Variants in SLC25A24 observed in about 807,000 individuals in gnomAD.
SLC25A24 encodes the protein solute carrier family 25 member 24.
A neutral mutation model predicts 60.7 loss-of-function variants in SLC25A24; 49 were observed. The ratio of observed to expected loss-of-function variants is 0.81; its 90% CI spans 0.64 to 1.02. The LOEUF (loss-of-function observed/expected upper bound fraction) is 1.02. Among genes scored for constraint, SLC25A24 ranks in the 50% least tolerant of loss-of-function variants. The pLI is 0.00. For missense variants in SLC25A24, 564 were observed against 586.3 expected, an observed-to-expected ratio of 0.96 and a Z score of 0.39; for synonymous variants, 202 against 200.6, an observed-to-expected ratio of 1.01 and a Z score of -0.06.
intron 4 of SLC25A24, 84 bp downstream of exon 4, chr1:108,161,098 T>A (rs1484908521): frequency 8.5e-6 from 6 of 707,984 alleles, no homozygotes; most frequent in Non-Finnish European, 1.5e-5. Context: ...TCCTGGCCCA[T>A]AAGTGTTACA....
In SLC25A24 at chr1:108,192,499, C is replaced by T; in HGVS notation, c.184-6545G>A. 1.3e-6 allele frequency: 2 copies of T among 1,491,466 alleles called. 1 individual carries two copies. Among genetic ancestry groups the T allele is most frequent in the Non-Finnish European group, 1.8e-6 (2 of 1,108,028 alleles). 92.4% of individuals were successfully genotyped at this position (1,491,466 alleles called of 1,614,324 possible). Reference sequence around the variant, plus strand: ...TTACAGCCCCAGTGAGACCCACCTTCGCTTCCTCTAGAGATTGAATGGCCC... The same window carrying T: ...TTACAGCCCCAGTGAGACCCACCTTTGCTTCCTCTAGAGATTGAATGGCCC... On this transcript the variant is annotated intron_variant, in intron 1 of 9. Transcript: ENST00000565488.
chr1:108,167,661 GCGCACA>G (rs1647249683), intron 3 of SLC25A24, among the ~76,000 whole-genome samples: 1 of 152,196 alleles, frequency 6.6e-6, no homozygotes, highest in Admixed American at 6.5e-5. Flanking sequence ...CGCGCACGGT[GCGCACA>G]CCCACTGACC....
chr1:108,158,539 T>G (rs938784744), intron 4 of SLC25A24, among the ~76,000 whole-genome samples: 1 of 152,170 alleles, frequency 6.6e-6, no homozygotes, highest in Non-Finnish European at 1.5e-5. Flanking sequence ...ACTACTAGTA[T>G]AATATTATCT....
At chr1:108,180,642 C>CTCTT (rs1647890439) in intron 3 of SLC25A24, among the ~76,000 whole-genome samples, 2 of 149,260 alleles carry the variant, frequency 1.3e-5, no homozygotes, top group African/African-American at 5.1e-5. Context: ...CTCTCTCTCT[C>CTCTT]TCTCTCTCTC....
chr1:108,173,307 G>A (rs1647546979), intron 3 of SLC25A24, among the ~76,000 whole-genome samples: 1 of 152,172 alleles, frequency 6.6e-6, no homozygotes, highest in African/African-American at 2.4e-5. Context: ...CCATGCTGCT[G>A]TTCTCATGAT....
At chr1:108,178,723 A>G (rs1324981144) in intron 3 of SLC25A24, among the ~76,000 whole-genome samples, 1 of 152,056 alleles carries the variant, frequency 6.6e-6, no homozygotes, top group African/African-American at 2.4e-5. Context: ...CTGAGGCAGG[A>G]GAATGACGGG....
chr1:108,160,622 G>A (rs7412216), intron 4 of SLC25A24, among the ~76,000 whole-genome samples: 4,813 of 152,268 alleles, frequency 0.032, 258 homozygotes, highest in African/African-American at 0.11. Context: ...AGGTTGTAGC[G>A]AGCCGAGATC....
chr1:108,197,104 G>GAA (rs34148137), intron 1 of SLC25A24, among the ~76,000 whole-genome samples: 1 of 151,048 alleles, frequency 6.6e-6, no homozygotes, highest in African/African-American at 2.4e-5. Flanking sequence ...GGTCATACCA[G>GAA]AAAAAAAAAT....
chr1:108,177,145 G>C (rs1401039657), intron 3 of SLC25A24, among the ~76,000 whole-genome samples: 1 of 151,920 alleles, frequency 6.6e-6, no homozygotes, highest in Non-Finnish European at 1.5e-5. Flanking sequence ...AGATTTTTTT[G>C]TTTTGGGGGG....
rs1437298832 is a variant in SLC25A24, at chr1:108,184,704, G to A, written c.310+1124C>T. ...CCCATTCATTTACATATTATCCATGGCTGCTTTTGAGGTACAGCAGCAGAG... is the reference window on the plus strand; with the variant it reads ...CCCATTCATTTACATATTATCCATGACTGCTTTTGAGGTACAGCAGCAGAG... On this transcript the variant is annotated intron_variant, in intron 2 of 9. Coordinates refer to ENST00000565488, the MANE Select transcript of SLC25A24 (RefSeq NM_013386.5). 2.6e-5 allele frequency among the ~76,000 whole-genome samples: 4 copies of A among 152,194 alleles called. No homozygotes were observed. The East Asian group carries it at 7.7e-4, about 29-fold the overall frequency.
intron 9 of SLC25A24, among the ~76,000 whole-genome samples, chr1:108,137,154 G>A (rs550153517): frequency 9.2e-5 from 14 of 152,158 alleles, no homozygotes; most frequent in Non-Finnish European, 1.3e-4. Context: ...GGCTTAGAAA[G>A]ATGGAGAAAT....
intron 1 of SLC25A24, among the ~76,000 whole-genome samples, chr1:108,189,170 T>G (rs1381474199): frequency 6.6e-6 from 1 of 152,086 alleles, no homozygotes; most frequent in African/African-American, 2.4e-5. Context: ...TTTTGAACAG[T>G]TTTTTTTAAC....
At chr1:108,143,743 C>A in intron 7 of SLC25A24, 33 bp from the exon 8 acceptor site, 2 of 1,534,128 alleles carry the variant, frequency 1.3e-6, no homozygotes, top group South Asian at 2.3e-5. Flanking sequence ...TATGATTGTT[C>A]ATATTAACTC....
chr1:108,185,694 A>T (rs1648099295), intron 2 of SLC25A24, 134 bp downstream of exon 2: 2 of 651,276 alleles, frequency 3.1e-6, no homozygotes, highest in Non-Finnish European at 5.0e-6. Flanking sequence ...AAATCACATT[A>T]CTAAAAAAAA....
chr1:108,147,575 A>C (rs1408480518), intron 7 of SLC25A24, among the ~76,000 whole-genome samples: 4 of 152,318 alleles, frequency 2.6e-5, no homozygotes, highest in African/African-American at 9.6e-5. Context: ...AGGCATTCTT[A>C]GGTCAAGGGC....
intron 3 of SLC25A24, among the ~76,000 whole-genome samples, chr1:108,166,376 T>C (rs1300577092): frequency 3.3e-5 from 5 of 152,104 alleles, no homozygotes; most frequent in South Asian, 2.1e-4. Context: ...CTGGATAATA[T>C]CCTGCAGAGT....
chr1:108,194,369 G>C (rs1261441398), intron 1 of SLC25A24, among the ~76,000 whole-genome samples: 1 of 137,480 alleles, frequency 7.3e-6, no homozygotes, highest in Non-Finnish European at 1.6e-5. Context: ...ACAGGGAATG[G>C]TCCTTCCCTG....
chr1:108,168,257 A>G (rs1356082540), intron 3 of SLC25A24, among the ~76,000 whole-genome samples: 2 of 152,208 alleles, frequency 1.3e-5, no homozygotes, highest in East Asian at 1.9e-4. Flanking sequence ...GTATATCTGC[A>G]TGAGAGTCCT....
intron 3 of SLC25A24, among the ~76,000 whole-genome samples, chr1:108,163,936 G>A (rs184511010): frequency 2.6e-5 from 4 of 152,166 alleles, no homozygotes; most frequent in Non-Finnish European, 5.9e-5. Context: ...GTTTGTCATA[G>A]ATAGCTGTTA....
Sources: gnomAD v4.1 joint callset for allele counts (sites outside exome capture counted in the v4.1 genomes callset) on GRCh38, gnomAD v4.1.1 for gene constraint, MANE v1.5 for transcripts, NCBI Gene and HGNC (gene_info 2026-07-23, HGNC 2026-07-21) for gene names.